PTPRN2: variants seen among roughly 807,000 people sequenced by gnomAD.
The protein encoded by PTPRN2 is receptor-type tyrosine-protein phosphatase N2.
Under a neutral mutation model 118.8 loss-of-function variants are expected in PTPRN2, and 74 were observed. The observed-to-expected ratio is 0.62, with a 90% CI of 0.52 to 0.76. PTPRN2 has a LOEUF of 0.76. PTPRN2 is among the 30% of genes least tolerant of loss of function. The pLI, the probability that PTPRN2 is intolerant of heterozygous loss-of-function variation, is 0.00. For synonymous variants in PTPRN2, 641 were observed against 608.0 expected (o/e 1.05, Z -0.80); for missense variants, 1,481 against 1,394.4 (o/e 1.06, Z -0.99).
At chr7:158,102,426 G>A (rs2150349424) in intron 10 of PTPRN2, among the ~76,000 whole-genome samples, 1 of 152,266 alleles carries the variant, frequency 6.6e-6, no homozygotes, top group South Asian at 2.1e-4. Flanking sequence ...ATGGCTCCAG[G>A]CCGCCCTGCT....
At chr7:157,982,300 CCCAAACCCTGAGT>C (rs1803304399) in intron 11 of PTPRN2, among the ~76,000 whole-genome samples, 1 of 46,026 alleles carries the variant, frequency 2.2e-5, no homozygotes, top group Admixed American at 2.4e-4. Context: ...GCAGGGTCCC[CCCAAACCCTGAGT>C]CATAGAGCCA....
At position 157,622,863 on chromosome 7, in the gene PTPRN2, G is replaced by A. The variant is rs1374862418; in HGVS notation, c.2197-1354C>T. Among the ~76,000 whole-genome samples the A allele has an allele frequency of 2.0e-5, 3 of 152,150 alleles. No homozygotes were observed. The highest frequency in any genetic ancestry group is 1.9e-4 in the East Asian group (1 of 5,184). On this transcript the variant is annotated intron_variant, in intron 14 of 22. Transcript: ENST00000389418. This position sits in a 1 kb window ranked among gnomAD's most constrained non-coding sequence, Gnocchi z 5.3. Reference sequence around the variant, plus strand: ...TCCAGTGCCGTTGAGAAGCCGCACCGACTGCCTGCTCCACGCAGCGAACGC... The same window carrying A: ...TCCAGTGCCGTTGAGAAGCCGCACCAACTGCCTGCTCCACGCAGCGAACGC...
intron 1 of PTPRN2, among the ~76,000 whole-genome samples, chr7:158,521,749 CGGGT>C (rs1824084182): frequency 9.5e-5 from 8 of 84,280 alleles, no homozygotes; most frequent in Non-Finnish European, 1.0e-4. Context: ...GTGGACTGTC[CGGGT>C]AGTGGCTCGG....
intron 12 of PTPRN2, among the ~76,000 whole-genome samples, chr7:157,775,746 C>G (rs1803168547): frequency 6.6e-6 from 1 of 152,140 alleles, no homozygotes; most frequent in Non-Finnish European, 1.5e-5. Context: ...CCAGGGTTTC[C>G]TGCCCCAGGC....
chr7:157,760,340 A>T (rs559916911), intron 12 of PTPRN2, among the ~76,000 whole-genome samples: 1 of 150,870 alleles, frequency 6.6e-6, no homozygotes, highest in South Asian at 2.1e-4. Context: ...TGAACTCAGC[A>T]GTCGGGATGC....
chr7:158,248,533 C>A (rs1416487589), intron 3 of PTPRN2, among the ~76,000 whole-genome samples: 2 of 146,276 alleles, frequency 1.4e-5, no homozygotes, highest in Non-Finnish European at 3.0e-5. Context: ...CCCACACACA[C>A]CCCATGCACA....
intron 12 of PTPRN2, among the ~76,000 whole-genome samples, chr7:157,783,985 C>G (rs1390889436): frequency 6.6e-6 from 1 of 152,160 alleles, no homozygotes; most frequent in Non-Finnish European, 1.5e-5. Context: ...TGCTGTCCCA[C>G]AGGAGTAAAT....
chr7:158,342,696 T>G (rs796578779), intron 2 of PTPRN2, among the ~76,000 whole-genome samples: 16 of 152,264 alleles, frequency 1.1e-4, no homozygotes, highest in African/African-American at 3.9e-4. Context: ...TGGTCCCCAT[T>G]CCATATTCAG....
At chr7:157,765,398 C>T (rs1187461906) in intron 12 of PTPRN2, among the ~76,000 whole-genome samples, 11 of 151,354 alleles carry the variant, frequency 7.3e-5, no homozygotes, top group African/African-American at 2.2e-4. Context: ...ATCCACCATC[C>T]CTCATCCGTA....
At chr7:157,614,758 G>T (rs904773599) in intron 15 of PTPRN2, among the ~76,000 whole-genome samples, 2 of 152,198 alleles carry the variant, frequency 1.3e-5, no homozygotes, top group Admixed American at 1.3e-4. Flanking sequence ...CAGTGGGTCT[G>T]CTGTCCTTAA....
chr7:158,445,158 G>T (rs969964633), intron 2 of PTPRN2, among the ~76,000 whole-genome samples: 1 of 152,222 alleles, frequency 6.6e-6, no homozygotes, highest in African/African-American at 2.4e-5. Context: ...CTCCAGAGGG[G>T]GCAGGCCCTG....
chr7:158,413,378 T>C (rs991325592), intron 2 of PTPRN2, among the ~76,000 whole-genome samples: 7 of 152,260 alleles, frequency 4.6e-5, no homozygotes, highest in African/African-American at 1.7e-4. Context: ...ACTTAGCATC[T>C]GAACCCGAAT....
At chr7:158,192,605 G>A (rs894652735) in intron 4 of PTPRN2, 110 bp from the exon 5 acceptor site, 57 of 1,284,768 alleles carry the variant, frequency 4.4e-5, no homozygotes, top group Middle Eastern at 1.9e-4. Context: ...CCGGGCTCTC[G>A]GTGGCCGGCC....
chr7:158,394,486 T>G (rs1812178336), intron 2 of PTPRN2, among the ~76,000 whole-genome samples: 1 of 152,168 alleles, frequency 6.6e-6, no homozygotes, highest in African/African-American at 2.4e-5. Context: ...GGTTGGCAGG[T>G]CGGGGATGAG....
At chr7:157,563,539 A>G (rs1248496209) in intron 21 of PTPRN2, among the ~76,000 whole-genome samples, 1 of 123,404 alleles carries the variant, frequency 8.1e-6, no homozygotes. Context: ...GATCAGGACC[A>G]CGTGCTCCCA....
chr7:158,069,077 C>T (rs1256637222), intron 11 of PTPRN2, among the ~76,000 whole-genome samples: 2 of 152,172 alleles, frequency 1.3e-5, no homozygotes, highest in Non-Finnish European at 2.9e-5. Context: ...GTTAGTGAAG[C>T]GGCCTCATCT....
chr7:158,136,663 A>G lies in PTPRN2; in HGVS notation c.1165T>C (p.Tyr389His). Residue 389 changes from tyrosine (Y) to histidine (H), a missense_variant, in exon 8 of 23, where the codon TAC becomes CAC. This residue lies in a region of PTPRN2 where 1,115 missense variants were observed against 994.2 expected (regional missense o/e 1.12). Transcript: ENST00000389418. ...CAGAGACGTCATCTTACCTCTTGGT[A>G]AAGTCTATCATCGTCGTCCTGCACT... ...DGVQDDDDRLYQEVHRLSATL... is the reference protein window; with the variant it reads ...DGVQDDDDRLHQEVHRLSATL... 1 of 1,613,722 alleles carries G rather than the reference A, an allele frequency of 6.2e-7. No homozygotes were observed. The highest frequency in any genetic ancestry group is 8.5e-7 in the Non-Finnish European group (1 of 1,179,620).
At chr7:158,181,762 T>G (rs1433381161) in intron 5 of PTPRN2, among the ~76,000 whole-genome samples, 1 of 152,228 alleles carries the variant, frequency 6.6e-6, no homozygotes, top group East Asian at 1.9e-4. Flanking sequence ...GTGAATAATC[T>G]TTTGTATTTC....
intron 15 of PTPRN2, chr7:157,614,131 GAGGGGGAAGACAGGGGAGGA>G (rs1255349849): frequency 6.4e-6 from 3 of 470,180 alleles, no homozygotes; most frequent in East Asian, 1.4e-4. Flanking sequence ...GGACGGAGAG[GAGGGGGAAGACAGGGGAGGA>G]AGGGGGAGGA....
Sources: allele counts gnomAD v4.1 joint callset (sites outside exome capture counted in the v4.1 genomes callset), GRCh38; gene constraint gnomAD v4.1.1; regional missense constraint gnomAD v4.1.1; non-coding constraint Gnocchi (gnomAD v3.1); transcripts MANE v1.5; gene names NCBI Gene and HGNC (gene_info 2026-07-23, HGNC 2026-07-21).